The following FAM107B variants were observed in gnomAD, a reference collection of about 807,000 sequenced individuals.
FAM107B encodes family with sequence similarity 107 member B.
In FAM107B, 21 loss-of-function variants were observed where a neutral mutation model predicts 31.5. The observed-to-expected ratio is 0.67, with a 90% CI of 0.47 to 0.96. The LOEUF (loss-of-function observed/expected upper bound fraction) is 0.96, where lower values mean the gene tolerates loss of function less well. Ranked by LOEUF, FAM107B falls within the 40% of genes least tolerant of loss-of-function variation. The probability of loss-of-function intolerance (pLI) is 0.00; values close to 1 mark genes in which losing one functional copy is unlikely to be tolerated. For missense variants in FAM107B, 452 were observed against 377.1 expected (o/e 1.20, Z -1.64); for synonymous variants, 157 against 141.5 (o/e 1.11, Z -0.78).
intron 1 of FAM107B, among the ~76,000 whole-genome samples, chr10:14,732,950 T>G (rs1047542196): frequency 9.6e-5 from 14 of 146,550 alleles, no homozygotes; most frequent in Non-Finnish European, 1.8e-4. Flanking sequence ...TATGATACGT[T>G]ATGGAATACC....
intron 2 of FAM107B, chr10:14,572,274 T>TC: frequency 2.0e-6 from 2 of 985,420 alleles, no homozygotes; most frequent in Non-Finnish European, 2.4e-6. Context: ...GAAATGTACT[T>TC]GTCTGTACAA....
chr10:14,544,696 A>G (rs1253305819), intron 2 of FAM107B, among the ~76,000 whole-genome samples: 10 of 152,226 alleles, frequency 6.6e-5, no homozygotes, highest in African/African-American at 1.4e-4. Flanking sequence ...GATGTAGACA[A>G]GTGTACACAG....
chr10:14,585,338 G>C (rs563404789), intron 2 of FAM107B, among the ~76,000 whole-genome samples: 1 of 151,942 alleles, frequency 6.6e-6, no homozygotes, highest in Non-Finnish European at 1.5e-5. Flanking sequence ...CCATCTTCCC[G>C]GCAGTCAACT....
At chr10:14,646,960 A>AT (rs1351994820) in intron 2 of FAM107B, among the ~76,000 whole-genome samples, 2 of 151,342 alleles carry the variant, frequency 1.3e-5, no homozygotes, top group East Asian at 2.0e-4. Flanking sequence ...GGCCTGGCTA[A>AT]TTTTTTTGTA....
intron 1 of FAM107B, among the ~76,000 whole-genome samples, chr10:14,763,865 T>C (rs1833107790): frequency 6.6e-6 from 1 of 152,268 alleles, no homozygotes; most frequent in African/African-American, 2.4e-5. Flanking sequence ...ATACACATTA[T>C]TATTACTGCT....
chr10:14,644,330 G>C (rs1016325787), intron 2 of FAM107B, among the ~76,000 whole-genome samples: 1 of 152,078 alleles, frequency 6.6e-6, no homozygotes, highest in Non-Finnish European at 1.5e-5. Context: ...GATGAGGTAG[G>C]TCATTTATCT....
At chr10:14,664,146 T>C (rs904637532) in intron 2 of FAM107B, among the ~76,000 whole-genome samples, 1 of 152,210 alleles carries the variant, frequency 6.6e-6, no homozygotes, top group Non-Finnish European at 1.5e-5. Context: ...TTTCAGCACA[T>C]GCTGTATTCT....
rs1011262743 is a variant in FAM107B, at chr10:14,518,668, C to CA, written c.*2521dup. On this transcript the variant is annotated 3_prime_UTR_variant, in exon 5 of 5. Transcript: ENST00000181796. ...AAAAACAATTATACAAGAGCAAATA[C>CA]AAAAAATATTAAATTATGAAAACCA... 71 of 152,644 alleles carry CA rather than the reference C, an allele frequency of 4.7e-4. No homozygotes were observed. Among genetic ancestry groups the CA allele is most frequent in the African/African-American group, 1.6e-3 (68 of 41,508 alleles). The allele number at this position is 152,644 out of a possible 1,614,324, so 9.5% of individuals were successfully genotyped here.
intron 2 of FAM107B, among the ~76,000 whole-genome samples, chr10:14,619,922 A>C (rs1312879052): frequency 2.0e-5 from 3 of 151,756 alleles, no homozygotes; most frequent in Non-Finnish European, 4.4e-5. Context: ...TTGCTTTTTG[A>C]AAGGACTATG....
chr10:14,700,568 G>A (rs1276189381), intron 1 of FAM107B, among the ~76,000 whole-genome samples: 6 of 152,008 alleles, frequency 3.9e-5, no homozygotes, highest in South Asian at 4.1e-4. Context: ...TGAGAATGAG[G>A]GGTGGGGTGG....
At chr10:14,705,198 A>T (rs4750554) in intron 1 of FAM107B, among the ~76,000 whole-genome samples, 32,304 of 151,658 alleles carry the variant, frequency 0.21, 3,983 homozygotes, top group Admixed American at 0.29. Flanking sequence ...ACCACTATTT[A>T]AAAAAAAGAA....
chr10:14,704,012 C>T (rs1250535959), intron 1 of FAM107B, among the ~76,000 whole-genome samples: 1 of 152,108 alleles, frequency 6.6e-6, no homozygotes, highest in Non-Finnish European at 1.5e-5. Flanking sequence ...GGTTCTCCTC[C>T]CAGTGGGTAT....
chr10:14,653,117 C>G (rs528328932), intron 2 of FAM107B, among the ~76,000 whole-genome samples: 17 of 152,334 alleles, frequency 1.1e-4, no homozygotes, highest in African/African-American at 4.1e-4. Context: ...TGAATGAACA[C>G]ATGGACAAAT....
intron 2 of FAM107B, among the ~76,000 whole-genome samples, chr10:14,592,752 C>A (rs1056084522): frequency 6.6e-5 from 10 of 152,196 alleles, no homozygotes; most frequent in African/African-American, 2.4e-4. Flanking sequence ...GAAAAAGAAA[C>A]AGACTGGGGC....
At chr10:14,586,107 A>C (rs1284628224) in intron 2 of FAM107B, among the ~76,000 whole-genome samples, 1 of 152,106 alleles carries the variant, frequency 6.6e-6, no homozygotes, top group Non-Finnish European at 1.5e-5. Flanking sequence ...CTGAGTCCGC[A>C]TCACTGTCAA....
chr10:14,699,219 T>C (rs187766552), intron 1 of FAM107B, among the ~76,000 whole-genome samples: 5 of 152,196 alleles, frequency 3.3e-5, no homozygotes, highest in African/African-American at 1.2e-4. Flanking sequence ...CCCAGAGGAA[T>C]AGAACAAAGA....
chr10:14,699,873 G>A (rs1564629968), intron 1 of FAM107B, among the ~76,000 whole-genome samples: 1 of 152,196 alleles, frequency 6.6e-6, no homozygotes, highest in African/African-American at 2.4e-5. Flanking sequence ...GGCTGGGTTG[G>A]CCTGTGGAGC....
At chr10:14,640,101 C>T (rs10906726) in intron 2 of FAM107B, among the ~76,000 whole-genome samples, 152,270 of 152,356 alleles carry the variant, frequency 1, 76,092 homozygotes, top group Middle Eastern at 1. Context: ...CTGAATAATT[C>T]CTATGAGCTG....
intron 4 of FAM107B, among the ~76,000 whole-genome samples, chr10:14,521,580 C>T (rs1845641128): frequency 6.6e-6 from 1 of 152,200 alleles, no homozygotes; most frequent in South Asian, 2.1e-4. Flanking sequence ...CGCAGTTGCT[C>T]TGGAGTCTTC....
Sources: gnomAD v4.1 joint callset for allele counts (sites outside exome capture counted in the v4.1 genomes callset) on GRCh38, gnomAD v4.1.1 for gene constraint, MANE v1.5 for transcripts, NCBI Gene and HGNC (gene_info 2026-07-23, HGNC 2026-07-21) for gene names.